PDGFD: variants seen among roughly 807,000 people sequenced by gnomAD.
PDGFD encodes platelet derived growth factor D.
In PDGFD, 30 loss-of-function variants were observed where a neutral mutation model predicts 44.7. The ratio of observed to expected loss-of-function variants is 0.67; its 90% CI spans 0.50 to 0.91. The LOEUF (loss-of-function observed/expected upper bound fraction) is 0.91, where lower values mean the gene tolerates loss of function less well. Ranked by LOEUF, PDGFD falls within the 40% of genes least tolerant of loss-of-function variation. The probability of loss-of-function intolerance (pLI) is 0.00; values close to 1 mark genes in which losing one functional copy is unlikely to be tolerated. For synonymous variants in PDGFD, 173 were observed against 168.4 expected (o/e 1.03, Z -0.21); for missense variants, 445 against 457.8 (o/e 0.97, Z 0.25).
chr11:104,050,559 T>C (rs1228227017), intron 1 of PDGFD, among the ~76,000 whole-genome samples: 2 of 152,156 alleles, frequency 1.3e-5, no homozygotes, highest in Non-Finnish European at 2.9e-5. Context: ...ACATACACCC[T>C]TGGGCAAGGC....
chr11:104,038,037 C>A (rs752941008), intron 1 of PDGFD: 40 of 1,586,018 alleles, frequency 2.5e-5, no homozygotes, highest in Admixed American at 3.5e-5. Context: ...TATGTTACCA[C>A]CTTGAGGGAG....
At chr11:104,024,442 T>G (rs1448909955) in intron 1 of PDGFD, among the ~76,000 whole-genome samples, 1 of 152,228 alleles carries the variant, frequency 6.6e-6, no homozygotes, top group Non-Finnish European at 1.5e-5. Flanking sequence ...TAATGTTTGC[T>G]AATACAATCA....
At chr11:104,058,492 G>A (rs939333954) in intron 1 of PDGFD, among the ~76,000 whole-genome samples, 4 of 152,086 alleles carry the variant, frequency 2.6e-5, no homozygotes, top group African/African-American at 7.2e-5. Flanking sequence ...CAGCAACAAC[G>A]AGGACAACAG....
intron 1 of PDGFD, among the ~76,000 whole-genome samples, chr11:104,033,828 A>C (rs7128670): frequency 0.11 from 17,128 of 152,204 alleles, 1,111 homozygotes; most frequent in African/African-American, 0.17. Context: ...ATTGTTTCCA[A>C]ACTCAGGGGA....
chr11:104,071,796 A>G (rs528880213), intron 1 of PDGFD, among the ~76,000 whole-genome samples: 1 of 151,746 alleles, frequency 6.6e-6, no homozygotes, highest in South Asian at 2.1e-4. Flanking sequence ...ATATAGCTTA[A>G]TTTATTTTTT....
chr11:103,971,010 A>G (rs1341781313), intron 3 of PDGFD, among the ~76,000 whole-genome samples: 2 of 152,162 alleles, frequency 1.3e-5, no homozygotes, highest in Non-Finnish European at 2.9e-5. Context: ...CAGAGAGTAT[A>G]ATGAATGATT....
intron 1 of PDGFD, among the ~76,000 whole-genome samples, chr11:104,131,801 TAAAAAAAAAAAAAAAAA>T (rs55959221): frequency 1.4e-5 from 1 of 70,960 alleles, no homozygotes; most frequent in African/African-American, 5.6e-5. Flanking sequence ...CAATGAACTG[TAAAAAAAAAAAAAAAAA>T]AAAAAAAAAG....
chr11:104,046,058 C>T (rs1156733879), intron 1 of PDGFD, among the ~76,000 whole-genome samples: 3 of 147,212 alleles, frequency 2.0e-5, no homozygotes, highest in Admixed American at 6.8e-5. Context: ...GAAAAAGATC[C>T]GCCACTAACA....
chr11:103,930,340 A>C (rs1484633523), intron 5 of PDGFD, among the ~76,000 whole-genome samples: 1 of 152,106 alleles, frequency 6.6e-6, no homozygotes, highest in Non-Finnish European at 1.5e-5. Flanking sequence ...TCTGAGCTCT[A>C]GAATGGGGAT....
At chr11:104,034,831 A>C (rs1393082646) in intron 1 of PDGFD, among the ~76,000 whole-genome samples, 1 of 152,038 alleles carries the variant, frequency 6.6e-6, no homozygotes, top group Non-Finnish European at 1.5e-5. Context: ...TTTAGTAGAG[A>C]CAGGGTTTCA....
intron 1 of PDGFD, among the ~76,000 whole-genome samples, chr11:104,114,210 A>C (rs1016186617): frequency 5.3e-5 from 8 of 152,000 alleles, no homozygotes; most frequent in African/African-American, 1.7e-4. Flanking sequence ...ATCTTCTAGG[A>C]ATTTTAGAAT....
intron 1 of PDGFD, among the ~76,000 whole-genome samples, chr11:104,015,144 T>A (rs1253626883): frequency 2.0e-5 from 3 of 152,232 alleles, no homozygotes; most frequent in Non-Finnish European, 4.4e-5. Context: ...CTTAAAAAAA[T>A]TAATTCATAA....
chr11:104,028,062 C>T (rs909477272), intron 1 of PDGFD, among the ~76,000 whole-genome samples: 4 of 151,792 alleles, frequency 2.6e-5, no homozygotes, highest in East Asian at 1.9e-4. Context: ...TGGTGACAGG[C>T]GCCTGTAGTC....
chr11:104,093,180 G>A (rs1010047881), intron 1 of PDGFD, among the ~76,000 whole-genome samples: 4 of 152,044 alleles, frequency 2.6e-5, no homozygotes, highest in Admixed American at 2.6e-4. Flanking sequence ...TTTTTCACTG[G>A]GAATTCTGGA....
chr11:104,093,273 T>C (rs1333686167), intron 1 of PDGFD, among the ~76,000 whole-genome samples: 1 of 151,874 alleles, frequency 6.6e-6, no homozygotes, highest in Non-Finnish European at 1.5e-5. Context: ...ATTTGAATCA[T>C]CCTACATGGG....
intron 1 of PDGFD, among the ~76,000 whole-genome samples, chr11:104,117,456 A>G (rs1861659082): frequency 6.6e-6 from 1 of 152,006 alleles, no homozygotes; most frequent in Non-Finnish European, 1.5e-5. Context: ...CTGTTTGCTG[A>G]TGATATGATT....
intron 1 of PDGFD, among the ~76,000 whole-genome samples, chr11:104,055,993 C>G (rs758676684): frequency 4.6e-5 from 7 of 151,988 alleles, no homozygotes; most frequent in Admixed American, 6.6e-5. Flanking sequence ...TAATCAGAGC[C>G]AGAATATTCA....
At chr11:104,018,782 C>T (rs1859901692) in intron 1 of PDGFD, among the ~76,000 whole-genome samples, 1 of 152,182 alleles carries the variant, frequency 6.6e-6, no homozygotes. Flanking sequence ...ATTTCTAACC[C>T]TGCCTCTCTT....
chr11:103,974,724 T>G (rs1021095805), intron 3 of PDGFD, among the ~76,000 whole-genome samples: 2 of 152,112 alleles, frequency 1.3e-5, no homozygotes, highest in Non-Finnish European at 2.9e-5. Flanking sequence ...GAACTCCCAC[T>G]TATGAGTGAG....
Sources: gnomAD v4.1 joint callset for allele counts (sites outside exome capture counted in the v4.1 genomes callset) on GRCh38, gnomAD v4.1.1 for gene constraint, MANE v1.5 for transcripts, NCBI Gene and HGNC (gene_info 2026-07-23, HGNC 2026-07-21) for gene names.